The following UTRN variants were observed in gnomAD, a reference collection of about 807,000 sequenced individuals.
The protein encoded by UTRN is utrophin, also known as dystrophin-related protein 1.
UTRN carries 283 observed loss-of-function variants against 463.9 expected under a neutral mutation model. That is an observed-to-expected ratio of 0.61 (90% confidence interval 0.55 to 0.67). The LOEUF (loss-of-function observed/expected upper bound fraction) is 0.67, where lower values mean the gene tolerates loss of function less well. Among genes scored for constraint, UTRN ranks in the 30% least tolerant of loss-of-function variants. The pLI, the probability that UTRN is intolerant of heterozygous loss-of-function variation, is 0.00. For missense variants in UTRN, 3,922 were observed against 4,084.3 expected (o/e 0.96, Z 1.08); for synonymous variants, 1,442 against 1,431.5 (o/e 1.01, Z -0.17).
intron 46 of UTRN, among the ~76,000 whole-genome samples, chr6:144,548,342 T>A (rs1007888078): frequency 1.3e-5 from 2 of 152,220 alleles, no homozygotes; most frequent in Non-Finnish European, 2.9e-5. Context: ...AAAATCATCT[T>A]GCCAAAATAA....
intron 34 of UTRN, among the ~76,000 whole-genome samples, chr6:144,505,982 G>T (rs1293266791): frequency 6.6e-6 from 1 of 151,986 alleles, no homozygotes; most frequent in Non-Finnish European, 1.5e-5. Flanking sequence ...TCTTCTTGTT[G>T]CATTGATCCC....
intron 58 of UTRN, among the ~76,000 whole-genome samples, chr6:144,760,390 T>C (rs958501275): frequency 2.0e-5 from 3 of 152,264 alleles, no homozygotes; most frequent in Middle Eastern, 3.4e-3. Context: ...AAAAAAATCT[T>C]CTCCATCACC....
chr6:144,531,289 TATTA>T lies in UTRN; in HGVS notation c.6057+91_6057+94del. On this transcript the variant is annotated intron_variant, in intron 42 of 74. Transcript: ENST00000367545. ...AGATTTCAGAAGTAGGGACAAAATA[TATTA>T]ATTTTTCAGAAGTCAATGGACAATT... 3.1e-6 allele frequency: 4 copies of T among 1,272,610 alleles called. No homozygotes were observed. In the African/African-American group the frequency reaches 4.5e-5, roughly 14 times the overall value. The allele number at this position is 1,272,610 out of a possible 1,614,324, so 78.8% of individuals were successfully genotyped here.
intron 54 of UTRN, among the ~76,000 whole-genome samples, chr6:144,732,311 T>TA (rs1301214040): frequency 7.0e-6 from 1 of 142,878 alleles, no homozygotes; most frequent in East Asian, 2.2e-4. Context: ...TATATATATA[T>TA]AAAAAATGTA....
intron 64 of UTRN, among the ~76,000 whole-genome samples, chr6:144,798,520 T>TGACCCCAAAGC (rs1490389432): frequency 3.3e-5 from 5 of 152,230 alleles, no homozygotes. Context: ...CTTCAGTTTG[T>TGACCCCAAAGC]GACCCCAAAG....
intron 51 of UTRN, among the ~76,000 whole-genome samples, chr6:144,620,926 T>A: frequency 6.6e-6 from 1 of 152,164 alleles, no homozygotes; most frequent in East Asian, 1.9e-4. Flanking sequence ...CTTAGGTTGG[T>A]CAGGTGTAAG....
chr6:144,482,259 G>A lies in UTRN; in HGVS notation c.3558G>A (p.Lys1186=). Residue 1186 remains lysine (K), a synonymous_variant, in exon 27 of 75, where the codon AAG becomes AAA. Transcript: ENST00000367545. ...LQKEVRVKIL[K]DNIKLLAAKV... Reference sequence around the variant, plus strand: ...AGGAGGTGAGAGTGAAGATTCTCAAGGACAACATCAAGTTATTAGCTGCCA... The same window carrying A: ...AGGAGGTGAGAGTGAAGATTCTCAAAGACAACATCAAGTTATTAGCTGCCA... The A allele has an allele frequency of 6.2e-7, 1 of 1,605,072 alleles. No homozygotes were observed. Among genetic ancestry groups the A allele is most frequent in the Non-Finnish European group, 8.5e-7 (1 of 1,176,860 alleles).
intron 54 of UTRN, among the ~76,000 whole-genome samples, chr6:144,735,052 G>A (rs1036757209): frequency 5.3e-5 from 8 of 152,146 alleles, no homozygotes; most frequent in Admixed American, 3.9e-4. Context: ...GAAAGAATAC[G>A]CATGAGCTGA....
intron 53 of UTRN, among the ~76,000 whole-genome samples, chr6:144,718,652 T>G (rs1370764864): frequency 6.6e-6 from 1 of 152,232 alleles, no homozygotes; most frequent in Non-Finnish European, 1.5e-5. Flanking sequence ...GACTGGACTG[T>G]ACCTAAGGCT....
chr6:144,538,574 G>A (rs1797734070), intron 44 of UTRN, among the ~76,000 whole-genome samples: 1 of 151,612 alleles, frequency 6.6e-6, no homozygotes, highest in Admixed American at 6.6e-5. Context: ...GGAGGCTGAA[G>A]CAGGAGAATG....
chr6:144,384,265 C>T (rs1947349896), intron 2 of UTRN, among the ~76,000 whole-genome samples: 1 of 152,156 alleles, frequency 6.6e-6, no homozygotes, highest in Non-Finnish European at 1.5e-5. Flanking sequence ...GCGAGTCACA[C>T]AGCAGGGGGT....
At chr6:144,497,887 T>C (rs938919105) in intron 33 of UTRN, among the ~76,000 whole-genome samples, 1 of 152,150 alleles carries the variant, frequency 6.6e-6, no homozygotes, top group Non-Finnish European at 1.5e-5. Context: ...GATGATAGAT[T>C]GTCTAGGAAC....
At chr6:144,794,114 C>A in intron 63 of UTRN, 123 bp downstream of exon 63, 1 of 1,332,284 alleles carries the variant, frequency 7.5e-7, no homozygotes, top group South Asian at 1.6e-5. Context: ...TACCATCCAA[C>A]AAGTGGTGTA....
Position 144,444,390 on chromosome 6 carries a change from A to G in UTRN, c.1614+8A>G. ...GAATTATTGGAAGAACAGGTATGAA[A>G]CTGTTTTCCATAAGGGGCAAAATAA... On this transcript the variant is annotated splice_region_variant and intron_variant, in intron 14 of 74. Transcript: ENST00000367545. The G allele has an allele frequency of 6.3e-7, 1 of 1,596,868 alleles. No homozygotes were observed. The highest frequency in any genetic ancestry group is 1.1e-5 in the South Asian group (1 of 88,536).
chr6:144,771,812 GA>G, intron 58 of UTRN, 94 bp from the exon 59 acceptor site: 1 of 1,016,420 alleles, frequency 9.8e-7, no homozygotes. Context: ...TTAAAAATTT[GA>G]AAAAAATCAT....
chr6:144,482,263 A>G lies in UTRN; in HGVS notation c.3562A>G (p.Asn1188Asp), dbSNP rs202155507. The change falls in exon 27 of 75, where the codon AAC becomes GAC. Residue 1188 changes from asparagine (N) to aspartate (D), a missense_variant. This residue lies in a region of UTRN where 2,349 missense variants were observed against 2,303.8 expected (regional missense o/e 1.02). Transcript: ENST00000367545. ...GGTGAGAGTGAAGATTCTCAAGGAC[A>G]ACATCAAGTTATTAGCTGCCAAGGT... ...KEVRVKILKDNIKLLAAKVPS... is the reference protein window; with the variant it reads ...KEVRVKILKDDIKLLAAKVPS... 1 of 1,607,592 alleles carries G rather than the reference A, an allele frequency of 6.2e-7. No individual in the cohort carries two copies.
intron 54 of UTRN, among the ~76,000 whole-genome samples, chr6:144,741,840 A>G (rs1790134314): frequency 6.6e-6 from 1 of 152,046 alleles, no homozygotes; most frequent in Non-Finnish European, 1.5e-5. Context: ...CTCTGGGCTT[A>G]TTTACTTTGG....
At position 144,743,419 on chromosome 6, in the gene UTRN, T is replaced by C. The variant is rs569267606; in HGVS notation, c.7940-4827T>C. Among the ~76,000 whole-genome samples, 8 of 152,344 alleles carry C rather than the reference T, an allele frequency of 5.3e-5. No individual in the cohort carries two copies. The South Asian group carries it at 1.7e-3, about 32-fold the overall frequency. ...TTAAAAAATAGCTTTGCATAAGCAC[T>C]CAAAGGAAGAGTTTTTTTTCCTCTA... is the stretch of plus-strand genomic sequence containing the variant. On this transcript the variant is annotated intron_variant, in intron 54 of 74. Coordinates refer to ENST00000367545, the MANE Select transcript of UTRN (RefSeq NM_007124.3).
In UTRN at chr6:144,329,324, G is replaced by T. The variant is rs535374149; in HGVS notation, c.79+37417G>T. ...TCTCGATCTCTTGACCTTGTGATCC[G>T]CCTGCCTCGGCCTCCCAAAGTGCTG... On this transcript the variant is annotated intron_variant, in intron 2 of 74. Transcript: ENST00000367545. 6.0e-5 allele frequency among the ~76,000 whole-genome samples: 9 copies of T among 151,028 alleles called. No homozygotes were observed. In the South Asian group the frequency reaches 1.7e-3, roughly 28 times the overall value.
Sources: allele counts gnomAD v4.1 joint callset (sites outside exome capture counted in the v4.1 genomes callset), GRCh38; gene constraint gnomAD v4.1.1; regional missense constraint gnomAD v4.1.1; transcripts MANE v1.5; gene names NCBI Gene and HGNC (gene_info 2026-07-23, HGNC 2026-07-21).